WWOX: variants seen among roughly 807,000 people sequenced by gnomAD.
WWOX encodes the protein WW domain containing oxidoreductase, also known as WW domain-containing oxidoreductase.
Under a neutral mutation model 46.2 loss-of-function variants are expected in WWOX, and 69 were observed. The ratio of observed to expected loss-of-function variants is 1.49; its 90% CI spans 1.23 to 1.82. The LOEUF is 1.82. Among genes scored for constraint, WWOX ranks in the 40% most tolerant of loss-of-function variants. The probability of loss-of-function intolerance (pLI) is 0.00; values close to 1 mark genes in which losing one functional copy is unlikely to be tolerated. For missense variants in WWOX, 919 were observed against 542.6 expected, an observed-to-expected ratio of 1.69 and a Z score of -6.89; for synonymous variants, 359 against 202.6, an observed-to-expected ratio of 1.77 and a Z score of -6.56.
intron 8 of WWOX, among the ~76,000 whole-genome samples, chr16:78,448,905 G>C (rs866153857): frequency 6.6e-6 from 1 of 152,184 alleles, no homozygotes; most frequent in South Asian, 2.1e-4. Flanking sequence ...AATGACACCT[G>C]AGGTCTTTTT....
intron 5 of WWOX, among the ~76,000 whole-genome samples, chr16:78,345,547 G>A (rs1306425391): frequency 1.3e-5 from 1 of 76,466 alleles, no homozygotes; most frequent in Admixed American, 1.3e-4. Context: ...GGGAGGCTGA[G>A]GTGGGAAGTT....
chr16:79,094,306 T>G (rs189438806), intron 8 of WWOX, among the ~76,000 whole-genome samples: 2 of 150,808 alleles, frequency 1.3e-5, no homozygotes, highest in East Asian at 2.0e-4. Flanking sequence ...CAGGCTGGAG[T>G]GCAATGGCAC....
At chr16:78,422,700 C>CACACACACAT (rs1265868420) in intron 6 of WWOX, among the ~76,000 whole-genome samples, 5 of 40,408 alleles carry the variant, frequency 1.2e-4, no homozygotes, top group East Asian at 5.3e-4. Context: ...CACACACACA[C>CACACACACAT]ATATATATAT....
chr16:78,779,015 A>T (rs908811142), intron 8 of WWOX, among the ~76,000 whole-genome samples: 2 of 152,208 alleles, frequency 1.3e-5, no homozygotes, highest in African/African-American at 4.8e-5. Flanking sequence ...ACCAGTCTGA[A>T]TAAAACCAAT....
intron 8 of WWOX, among the ~76,000 whole-genome samples, chr16:79,050,564 C>T (rs549960121): frequency 2.4e-4 from 37 of 152,260 alleles, no homozygotes; most frequent in African/African-American, 7.2e-4. Context: ...TCCCAAAGCC[C>T]GGGGCATGGA....
chr16:78,706,413 C>G (rs1351670802), intron 8 of WWOX, among the ~76,000 whole-genome samples: 1 of 152,138 alleles, frequency 6.6e-6, no homozygotes, highest in Non-Finnish European at 1.5e-5. Context: ...CATCCTGAGC[C>G]TTCCCGATTC....
At chr16:78,586,752 A>C (rs765788520) in intron 8 of WWOX, among the ~76,000 whole-genome samples, 3 of 152,180 alleles carry the variant, frequency 2.0e-5, no homozygotes, top group Non-Finnish European at 4.4e-5. Context: ...TTATTCTTTG[A>C]CATAGAGGAA....
chr16:78,216,547 C>T (rs1468591735), intron 5 of WWOX, among the ~76,000 whole-genome samples: 1 of 32 alleles, frequency 0.031, no homozygotes, highest in Admixed American at 0.17. Flanking sequence ...TCCCATGACG[C>T]TAGAGGCTGA....
At chr16:78,989,193 T>A (rs190993817) in intron 8 of WWOX, among the ~76,000 whole-genome samples, 2 of 152,288 alleles carry the variant, frequency 1.3e-5, no homozygotes, top group East Asian at 3.9e-4. Context: ...TAATTGGGAA[T>A]AGTGTTCCAT....
chr16:79,091,628 C>T (rs182144537), intron 8 of WWOX, among the ~76,000 whole-genome samples: 2 of 152,208 alleles, frequency 1.3e-5, no homozygotes, highest in Non-Finnish European at 2.9e-5. Flanking sequence ...TTTTAAAGTA[C>T]CCTCGGGCAA....
intron 5 of WWOX, among the ~76,000 whole-genome samples, chr16:78,369,904 G>A (rs746054108): frequency 9.2e-5 from 14 of 151,830 alleles, no homozygotes; most frequent in East Asian, 1.9e-4. Flanking sequence ...AGGCCGAGGC[G>A]GGAGGATCAC....
intron 6 of WWOX, among the ~76,000 whole-genome samples, chr16:78,420,722 G>C (rs1271738171): frequency 6.8e-6 from 1 of 147,296 alleles, no homozygotes; most frequent in African/African-American, 2.6e-5. Flanking sequence ...ACAATTATTT[G>C]AGTATACTAA....
chr16:79,143,127 T>G (rs1265323426), intron 8 of WWOX, among the ~76,000 whole-genome samples: 3 of 152,218 alleles, frequency 2.0e-5, no homozygotes, highest in Non-Finnish European at 2.9e-5. Flanking sequence ...AGGGACTGTT[T>G]GTCATGGGGT....
intron 4 of WWOX, among the ~76,000 whole-genome samples, chr16:78,135,370 A>G (rs1268660680): frequency 6.6e-6 from 1 of 152,198 alleles, no homozygotes; most frequent in Non-Finnish European, 1.5e-5. Context: ...TGAATGTCTA[A>G]TAGAGTCTGA....
chr16:78,780,638 G>C lies in WWOX; in HGVS notation c.1056+347886G>C, dbSNP rs548079968. On this transcript the variant is annotated intron_variant, in intron 8 of 8. Transcript: ENST00000566780. ...GGGAAGACCATTTTAAGGAGGTGAT[G>C]TTTGAACTTAAGAATCAAAAACAGT... Among the ~76,000 whole-genome samples the C allele has an allele frequency of 3.9e-5, 6 of 152,290 alleles. No individual in the cohort carries two copies. The South Asian group carries it at 6.2e-4, about 16-fold the overall frequency.
chr16:79,003,300 A>G (rs748022031), intron 8 of WWOX, among the ~76,000 whole-genome samples: 10 of 152,134 alleles, frequency 6.6e-5, no homozygotes, highest in Admixed American at 5.9e-4. Flanking sequence ...TATTGTCACA[A>G]GGAATGGGAG....
chr16:78,255,028 C>T (rs1354996980), intron 5 of WWOX, among the ~76,000 whole-genome samples: 1 of 152,216 alleles, frequency 6.6e-6, no homozygotes, highest in Admixed American at 6.5e-5. Flanking sequence ...GATGTGTTTC[C>T]AGCACAGTTT....
At chr16:78,688,478 A>G (rs1028609432) in intron 8 of WWOX, among the ~76,000 whole-genome samples, 35 of 151,942 alleles carry the variant, frequency 2.3e-4, no homozygotes, top group Non-Finnish European at 7.4e-5. Flanking sequence ...TTAACCCACC[A>G]TATTGAGAGA....
intron 5 of WWOX, among the ~76,000 whole-genome samples, chr16:78,335,551 C>A (rs1441343491): frequency 2.0e-5 from 3 of 152,104 alleles, no homozygotes; most frequent in Admixed American, 2.0e-4. Context: ...GATTCCGTGT[C>A]CTTGCTATTG....
Sources: gnomAD v4.1 joint callset for allele counts (sites outside exome capture counted in the v4.1 genomes callset) on GRCh38, gnomAD v4.1.1 for gene constraint, MANE v1.5 for transcripts, NCBI Gene and HGNC (gene_info 2026-07-23, HGNC 2026-07-21) for gene names.